DCBLD2: variants seen among roughly 807,000 people sequenced by gnomAD.
The protein encoded by DCBLD2 is discoidin, CUB and LCCL domain-containing protein 2.
A neutral mutation model predicts 86.8 loss-of-function variants in DCBLD2; 54 were observed. The observed-to-expected ratio is 0.62, with a 90% CI of 0.50 to 0.78. DCBLD2 has a LOEUF of 0.78. Ranked by LOEUF, DCBLD2 falls within the 30% of genes least tolerant of loss-of-function variation. DCBLD2 has a pLI of 0.00. For synonymous variants in DCBLD2, 354 were observed against 341.3 expected (o/e 1.04, Z -0.41); for missense variants, 908 against 954.2 (o/e 0.95, Z 0.64).
intron 2 of DCBLD2, among the ~76,000 whole-genome samples, chr3:98,854,073 T>G (rs572069535): frequency 6.6e-6 from 1 of 152,088 alleles, no homozygotes; most frequent in South Asian, 2.1e-4. Context: ...TTACTGAAAC[T>G]CTGAATATCC....
intron 1 of DCBLD2, among the ~76,000 whole-genome samples, chr3:98,893,136 G>A (rs1943692130): frequency 6.6e-6 from 1 of 152,050 alleles, no homozygotes; most frequent in South Asian, 2.1e-4. Context: ...ATATAAAAAT[G>A]GAAATTTTAA....
rs1942301578 is a variant in DCBLD2, at chr3:98,830,576, A to G, written c.572-5210T>C. On this transcript the variant is annotated intron_variant, in intron 3 of 15. Coordinates refer to ENST00000326840, the MANE Select transcript of DCBLD2 (RefSeq NM_080927.4). ...ATGTGGCCTTATTTCTGTGCTCTCT[A>G]CTCTGTTCTATTGGTCTACGCACCT... Among the ~76,000 whole-genome samples the G allele has an allele frequency of 2.0e-5, 3 of 152,212 alleles. No individual in the cohort carries two copies. The East Asian group carries it at 5.8e-4, about 29-fold the overall frequency.
chr3:98,823,125 G>C (rs191383997), intron 4 of DCBLD2, among the ~76,000 whole-genome samples: 2 of 152,078 alleles, frequency 1.3e-5, no homozygotes, highest in African/African-American at 4.8e-5. Flanking sequence ...CGCCCACCTC[G>C]GCCTCCCAAA....
intron 2 of DCBLD2, among the ~76,000 whole-genome samples, chr3:98,866,495 G>A (rs571901879): frequency 7.2e-5 from 11 of 152,292 alleles, no homozygotes; most frequent in African/African-American, 2.2e-4. Context: ...TCTTTTGGCT[G>A]CATAAATGTC....
At chr3:98,877,578 T>C (rs114695095) in intron 2 of DCBLD2, among the ~76,000 whole-genome samples, 324 of 8,864 alleles carry the variant, frequency 0.037, no homozygotes, top group Middle Eastern at 0.25. Flanking sequence ...GGCAGATAAA[T>C]ATAAAAAGAT....
intron 12 of DCBLD2, among the ~76,000 whole-genome samples, chr3:98,808,781 G>C (rs1941884390): frequency 1.3e-5 from 2 of 152,090 alleles, no homozygotes; most frequent in Admixed American, 6.6e-5. Context: ...CTATCTCACT[G>C]ATTGGCATTT....
intron 1 of DCBLD2, among the ~76,000 whole-genome samples, chr3:98,895,932 A>G (rs927511070): frequency 6.6e-5 from 10 of 152,282 alleles, no homozygotes; most frequent in African/African-American, 2.2e-4. Flanking sequence ...TTAATGAGAG[A>G]ATGATAAAGA....
intron 13 of DCBLD2, 71 bp downstream of exon 13, chr3:98,808,010 T>A: frequency 1.7e-6 from 2 of 1,178,222 alleles, no homozygotes; most frequent in Non-Finnish European, 2.3e-6. Context: ...GTAAACATTT[T>A]CATCTTCTAT....
Position 98,901,405 on chromosome 3 carries a change from G to T in DCBLD2, c.-79C>A, listed in dbSNP as rs949097769. On this transcript the variant is annotated 5_prime_UTR_variant, in exon 1 of 16. Transcript: ENST00000326840. The stretch of plus-strand genomic sequence containing the variant: ...GCCTCTGGCCGCGGCACCCGACCAG[G>T]AGACGGCGGCAGCGGCGGGAGAACA... 2 of 1,243,992 alleles carry T rather than the reference G, an allele frequency of 1.6e-6. No homozygotes were observed. The highest frequency in any genetic ancestry group is 6.6e-5 in the East Asian group (2 of 30,180). The allele number at this position is 1,243,992 out of a possible 1,614,324, so 77.1% of individuals were successfully genotyped here. A position where few individuals can be genotyped will look rare whatever the true frequency, so the allele number is the denominator to read the frequency against.
At chr3:98,801,768 A>G in intron 13 of DCBLD2, 119 bp from the exon 14 acceptor site, 2 of 658,462 alleles carry the variant, frequency 3.0e-6, no homozygotes, top group East Asian at 5.7e-5. Flanking sequence ...AAGTGTTCTC[A>G]TTGTTCAATT....
intron 3 of DCBLD2, among the ~76,000 whole-genome samples, chr3:98,838,510 C>T (rs1942531019): frequency 6.9e-6 from 1 of 145,774 alleles, no homozygotes; most frequent in Non-Finnish European, 1.5e-5. Context: ...AGAGGCGCTC[C>T]TCACTTCCTA....
chr3:98,805,228 C>T (rs1036111614), intron 13 of DCBLD2: 1 of 151,668 alleles, frequency 6.6e-6, no homozygotes, highest in East Asian at 1.9e-4. Context: ...CAAAGTACAG[C>T]ATAATAAAAA....
At chr3:98,890,806 A>G (rs2107530016) in intron 1 of DCBLD2, among the ~76,000 whole-genome samples, 1 of 152,134 alleles carries the variant, frequency 6.6e-6, no homozygotes, top group Non-Finnish European at 1.5e-5. Flanking sequence ...GCTATTCTTC[A>G]GAGTTCTTTC....
intron 1 of DCBLD2, among the ~76,000 whole-genome samples, chr3:98,891,985 A>C (rs1943669976): frequency 6.6e-6 from 1 of 152,118 alleles, no homozygotes; most frequent in Non-Finnish European, 1.5e-5. Context: ...AATGCATTCT[A>C]CTCACCTTTA....
chr3:98,811,493 A>T lies in DCBLD2; in HGVS notation c.1425T>A (p.Thr475=). The T allele has an allele frequency of 6.2e-7, 1 of 1,613,572 alleles. No individual in the cohort carries two copies. The highest frequency in any genetic ancestry group is 1.1e-5 in the South Asian group (1 of 91,042). Residue 475 remains threonine (T), a synonymous_variant, in exon 11 of 16, where the codon ACT becomes ACA. Coordinates refer to ENST00000326840, the MANE Select transcript of DCBLD2 (RefSeq NM_080927.4). ...CTTTGGCTATTTTTGGAGGGGCTGT[A>T]GTGTTTTTGAGGTCATTGCTGTTCC... ...PPRNSNDLKN[T]TAPPKIAKGR...
chr3:98,899,467 G>C (rs1461849061), intron 1 of DCBLD2, among the ~76,000 whole-genome samples: 1 of 151,990 alleles, frequency 6.6e-6, no homozygotes, highest in Non-Finnish European at 1.5e-5. Context: ...GGTCAGGATG[G>C]TCTCGATCTC....
intron 2 of DCBLD2, among the ~76,000 whole-genome samples, chr3:98,865,403 G>C (rs1943125098): frequency 6.6e-6 from 1 of 152,170 alleles, no homozygotes; most frequent in Non-Finnish European, 1.5e-5. Context: ...CTCACATGTA[G>C]AATCTAAAAA....
intron 1 of DCBLD2, among the ~76,000 whole-genome samples, chr3:98,893,692 G>T (rs1426143771): frequency 1.3e-5 from 2 of 152,176 alleles, no homozygotes; most frequent in African/African-American, 4.8e-5. Context: ...GTAAAAGCCA[G>T]TGGCATTTTG....
intron 8 of DCBLD2, among the ~76,000 whole-genome samples, chr3:98,818,828 G>T (rs1348318075): frequency 6.6e-6 from 1 of 152,180 alleles, no homozygotes; most frequent in Non-Finnish European, 1.5e-5. Flanking sequence ...ACTAAAAGCT[G>T]CACTGTTGGC....
Sources: gnomAD v4.1 joint callset for allele counts (sites outside exome capture counted in the v4.1 genomes callset) on GRCh38, gnomAD v4.1.1 for gene constraint, MANE v1.5 for transcripts, NCBI Gene and HGNC (gene_info 2026-07-23, HGNC 2026-07-21) for gene names.